Variants in NDRG3 observed in about 807,000 individuals in gnomAD.
NDRG3 encodes NDRG family member 3.
Under a neutral mutation model 57.2 loss-of-function variants are expected in NDRG3, and 23 were observed. The ratio of observed to expected loss-of-function variants is 0.40; its 90% CI spans 0.29 to 0.57. The LOEUF (loss-of-function observed/expected upper bound fraction) is 0.57, where lower values mean the gene tolerates loss of function less well. Among genes scored for constraint, NDRG3 ranks in the 20% least tolerant of loss-of-function variants. The pLI, the probability that NDRG3 is intolerant of heterozygous loss-of-function variation, is 0.42. For synonymous variants in NDRG3, 132 were observed against 162.6 expected, an observed-to-expected ratio of 0.81 and a Z score of 1.43; for missense variants, 384 against 457.3, an observed-to-expected ratio of 0.84 and a Z score of 1.46.
Position 36,676,948 on chromosome 20 carries a change from C to T in NDRG3, c.531+3868G>A, listed in dbSNP as rs1980780973. 2.6e-5 allele frequency among the ~76,000 whole-genome samples: 4 copies of T among 152,368 alleles called. No individual in the cohort carries two copies. The South Asian group carries it at 6.2e-4, about 24-fold the overall frequency. On this transcript the variant is annotated intron_variant, in intron 8 of 15. Coordinates refer to ENST00000349004, the MANE Select transcript of NDRG3 (RefSeq NM_032013.4). ...TGGAGCAAGCAGGATCCCCGCCCTC[C>T]TGGGCAGGGCTACAGCCGCCCAAAC... is the stretch of plus-strand genomic sequence containing the variant.
At chr20:36,671,038 AC>A (rs1980107106) in intron 9 of NDRG3, among the ~76,000 whole-genome samples, 1 of 151,914 alleles carries the variant, frequency 6.6e-6, no homozygotes. Context: ...CCTTTCCCAG[AC>A]CTCCTAATGG....
chr20:36,708,202 C>A (rs1983658703), intron 2 of NDRG3, among the ~76,000 whole-genome samples: 1 of 152,046 alleles, frequency 6.6e-6, no homozygotes, highest in Admixed American at 6.6e-5. Flanking sequence ...TATGTAGAAA[C>A]TGATTTATCA....
chr20:36,661,560 G>A (rs1427276799), intron 12 of NDRG3, among the ~76,000 whole-genome samples: 1 of 152,194 alleles, frequency 6.6e-6, no homozygotes, highest in African/African-American at 2.4e-5. Flanking sequence ...GATAGATAAA[G>A]GGAAAAGGTG....
chr20:36,684,311 G>A, intron 6 of NDRG3, 102 bp downstream of exon 6: 1 of 918,324 alleles, frequency 1.1e-6, no homozygotes, highest in Non-Finnish European at 1.8e-6. Flanking sequence ...GGAGGACAGT[G>A]ATAATATTTT....
At chr20:36,708,495 T>C (rs143375728) in intron 2 of NDRG3, among the ~76,000 whole-genome samples, 2,174 of 149,938 alleles carry the variant, frequency 0.014, 20 homozygotes, top group Non-Finnish European at 0.023. Context: ...ACTAAAAAAC[T>C]ACAAAAATTA....
At chr20:36,695,865 C>T (rs894844400) in intron 3 of NDRG3, among the ~76,000 whole-genome samples, 4 of 152,060 alleles carry the variant, frequency 2.6e-5, no homozygotes, top group African/African-American at 9.7e-5. Flanking sequence ...ACACCCTATT[C>T]GTATACTCCC....
chr20:36,706,976 C>T lies in NDRG3; in HGVS notation c.89G>A (p.Cys30Tyr). 6.2e-7 allele frequency: 1 copy of T among 1,613,634 alleles called. No individual in the cohort carries two copies. ...TCTTGCTTGTACAGTCCTTACCTGA[C>T]AGTCAAAGTCCTGGAAGTTTCTTGT... ...NGTRNFQDFD[C>Y]QEHDIETTHG... Residue 30 changes from cysteine (C) to tyrosine (Y), a missense_variant, in exon 3 of 16, where the codon TGT (cysteine) becomes TAT (tyrosine). Transcript: ENST00000349004.
intron 10 of NDRG3, among the ~76,000 whole-genome samples, chr20:36,665,850 C>T (rs1979585903): frequency 6.6e-6 from 1 of 152,162 alleles, no homozygotes; most frequent in African/African-American, 2.4e-5. Context: ...CCCACCTCGG[C>T]CTCCCAAACT....
At chr20:36,668,553 T>C (rs1979835099) in intron 9 of NDRG3, 1 of 152,140 alleles carries the variant, frequency 6.6e-6, no homozygotes, top group African/African-American at 2.4e-5. Context: ...TTAATTTTTA[T>C]TATCTTTTTG....
chr20:36,744,147 C>A (rs1407400307), intron 1 of NDRG3, among the ~76,000 whole-genome samples: 4 of 152,032 alleles, frequency 2.6e-5, no homozygotes, highest in Non-Finnish European at 5.9e-5. Flanking sequence ...CGTGATCCAC[C>A]CACCTCGGCC....
At chr20:36,717,012 A>G (rs1053002174) in intron 2 of NDRG3, among the ~76,000 whole-genome samples, 3 of 152,244 alleles carry the variant, frequency 2.0e-5, no homozygotes, top group South Asian at 4.1e-4. Context: ...AGACTGGAAG[A>G]TTAAAATAAG....
chr20:36,707,254 T>A (rs185319895), intron 2 of NDRG3, among the ~76,000 whole-genome samples: 36 of 152,318 alleles, frequency 2.4e-4, no homozygotes, highest in South Asian at 8.3e-4. Flanking sequence ...GGGCCTAGTT[T>A]TCTAGCAAGC....
chr20:36,659,691 C>A (rs568623595), intron 13 of NDRG3, among the ~76,000 whole-genome samples: 14 of 152,106 alleles, frequency 9.2e-5, no homozygotes, highest in African/African-American at 3.1e-4. Flanking sequence ...ACCTCCGCCT[C>A]CCAGGTTCAA....
chr20:36,718,118 G>A (rs986451088), intron 2 of NDRG3, among the ~76,000 whole-genome samples: 4 of 152,202 alleles, frequency 2.6e-5, no homozygotes, highest in Admixed American at 6.5e-5. Context: ...AGGTTCAAAT[G>A]AAGTAATGGA....
At chr20:36,666,413 C>T (rs1229452544) in intron 9 of NDRG3, 21 bp from the exon 10 acceptor site, 1 of 1,542,502 alleles carries the variant, frequency 6.5e-7, no homozygotes, top group Non-Finnish European at 9.0e-7. Flanking sequence ...TGAAAGAAGA[C>T]ATGGGTAAGC....
intron 2 of NDRG3, 114 bp downstream of exon 2, chr20:36,721,565 C>G (rs564245710): frequency 3.1e-6 from 2 of 638,722 alleles, no homozygotes; most frequent in African/African-American, 3.8e-5. Flanking sequence ...GTATTCCTTT[C>G]ATTGAAAGTC....
intron 3 of NDRG3, among the ~76,000 whole-genome samples, chr20:36,701,130 A>G (rs1168342423): frequency 2.6e-5 from 4 of 152,168 alleles, no homozygotes; most frequent in Non-Finnish European, 5.9e-5. Flanking sequence ...TCTTGAACAT[A>G]ATCCCTTTAT....
intron 12 of NDRG3, among the ~76,000 whole-genome samples, 171 bp downstream of exon 12, chr20:36,664,875 G>C (rs988053846): frequency 1.3e-5 from 2 of 152,122 alleles, no homozygotes; most frequent in Admixed American, 6.6e-5. Context: ...ATATTGTAGA[G>C]TTAGGGTCCC....
At position 36,660,359 on chromosome 20, in the gene NDRG3, G is replaced by T; in HGVS notation, c.836C>A (p.Pro279His). Residue 279 changes from proline to histidine, a missense_variant, in exon 13 of 16, where the codon CCT becomes CAT. Pro to His is a moderately conservative substitution (Grantham distance 77). Transcript: ENST00000349004. Reference sequence around the variant, plus strand: ...TACCTTTAGCAAAGTTGTATTTATAGGGTTCAGGCGGGAATTGCATTCGAC... The same window carrying T: ...TACCTTTAGCAAAGTTGTATTTATATGGTTCAGGCGGGAATTGCATTCGAC... The part of the protein sequence containing the change: ...AVVECNSRLN[P>H]INTTLLKMAD... The T allele has an allele frequency of 1.2e-6, 2 of 1,608,370 alleles. No individual in the cohort carries two copies. Among genetic ancestry groups the T allele is most frequent in the African/African-American group, 1.3e-5 (1 of 74,750 alleles).
Sources: allele counts gnomAD v4.1 joint callset (sites outside exome capture counted in the v4.1 genomes callset), GRCh38; gene constraint gnomAD v4.1.1; transcripts MANE v1.5; gene names NCBI Gene and HGNC (gene_info 2026-07-23, HGNC 2026-07-21).